Variants in ZPLD1 observed in about 807,000 individuals in gnomAD.
ZPLD1 encodes the protein zona pellucida-like domain-containing protein 1.
Under a neutral mutation model 47.2 loss-of-function variants are expected in ZPLD1, and 34 were observed. The ratio of observed to expected loss-of-function variants is 0.72; its 90% CI spans 0.55 to 0.96. The LOEUF (loss-of-function observed/expected upper bound fraction) is 0.96. Ranked by LOEUF, ZPLD1 falls within the 40% of genes least tolerant of loss-of-function variation. The pLI is 0.00. For synonymous variants in ZPLD1, 176 were observed against 186.2 expected, an observed-to-expected ratio of 0.95 and a Z score of 0.45; for missense variants, 512 against 505.8, an observed-to-expected ratio of 1.01 and a Z score of -0.12.
intron 3 of ZPLD1, among the ~76,000 whole-genome samples, chr3:102,451,282 A>G (rs1375509376): frequency 6.6e-6 from 1 of 152,242 alleles, no homozygotes; most frequent in Non-Finnish European, 1.5e-5. Context: ...AATTAATTCT[A>G]TGCTAAAAAA....
rs1160818129 is a variant in ZPLD1 at position 102,478,253 on chromosome 3, C to T, written c.*635C>T. On this transcript the variant is annotated 3_prime_UTR_variant, in exon 12 of 12. Coordinates refer to ENST00000466937, the MANE Select transcript of ZPLD1 (RefSeq NM_001329788.2). ...AGATAGTGAAAATAGTTGTTAGCTT[C>T]CAAGGCTACTGCTAAGTGGCCCTAG... 6.6e-6 allele frequency: 1 copy of T among 152,166 alleles called. No homozygotes were observed. Among genetic ancestry groups the T allele is most frequent in the Non-Finnish European group, 1.5e-5 (1 of 68,036 alleles). 9.4% of individuals were successfully genotyped at this position (152,166 alleles called of 1,614,324 possible). A position where few individuals can be genotyped will look rare whatever the true frequency, so the allele number is the denominator to read the frequency against.
intron 3 of ZPLD1, among the ~76,000 whole-genome samples, chr3:102,446,972 T>C (rs1159197166): frequency 6.6e-6 from 1 of 152,152 alleles, no homozygotes; most frequent in East Asian, 1.9e-4. Context: ...TGAAGTGGCA[T>C]GTAGTTTAGA....
At position 102,387,448 on chromosome 3, in the gene ZPLD1, TA is replaced by T. The variant is rs1324341255; in HGVS notation, c.-213+2138del. 7.9e-5 allele frequency among the ~76,000 whole-genome samples: 12 copies of T among 152,300 alleles called. No homozygotes were observed. In the East Asian group the frequency reaches 2.1e-3, roughly 27 times the overall value. ...ACCTCTTTTGTATTCTGTCATCATT[TA>T]AAAAAATTTATATTAGGTATTTTTT... On this transcript the variant is annotated intron_variant, in intron 6 of 17. Transcript: ENST00000491959.
intron 7 of ZPLD1, among the ~76,000 whole-genome samples, chr3:102,406,804 A>T (rs879826255): frequency 6.6e-6 from 1 of 151,950 alleles, no homozygotes; most frequent in African/African-American, 2.4e-5. Flanking sequence ...TTCAGAGCCT[A>T]TCTTTCTCTT....
At chr3:102,403,683 A>C (rs1159496848) in intron 7 of ZPLD1, among the ~76,000 whole-genome samples, 1 of 151,944 alleles carries the variant, frequency 6.6e-6, no homozygotes, top group Non-Finnish European at 1.5e-5. Context: ...ATAAACTTCT[A>C]GTTTATCCTG....
At chr3:102,417,523 G>A (rs922612035) in intron 7 of ZPLD1, among the ~76,000 whole-genome samples, 24 of 151,924 alleles carry the variant, frequency 1.6e-4, no homozygotes, top group Admixed American at 3.3e-4. Context: ...CAAAAGCCGA[G>A]GTTATGAAGC....
intron 8 of ZPLD1, among the ~76,000 whole-genome samples, chr3:102,429,271 A>G (rs906395470): frequency 2.6e-5 from 4 of 152,146 alleles, no homozygotes; most frequent in African/African-American, 9.7e-5. Flanking sequence ...GCAGCTTTTA[A>G]TATTTGATTA....
chr3:102,454,907 TAGAC>T (rs1366086358), intron 4 of ZPLD1, among the ~76,000 whole-genome samples: 14 of 152,248 alleles, frequency 9.2e-5, no homozygotes, highest in African/African-American at 3.4e-4. Flanking sequence ...TTTATTTTCA[TAGAC>T]AGAATTGGTT....
At chr3:102,388,790 A>G (rs562592870) in intron 6 of ZPLD1, among the ~76,000 whole-genome samples, 33 of 152,348 alleles carry the variant, frequency 2.2e-4, no homozygotes, top group African/African-American at 7.7e-4. Context: ...AAAATATCAC[A>G]GTTAAAAAAT....
intron 6 of ZPLD1, among the ~76,000 whole-genome samples, chr3:102,386,734 C>T (rs182014282): frequency 2.0e-5 from 3 of 152,084 alleles, no homozygotes; most frequent in Admixed American, 1.3e-4. Flanking sequence ...AATATTAGTA[C>T]ATTTATTATT....
intron 7 of ZPLD1, among the ~76,000 whole-genome samples, chr3:102,417,284 A>G (rs1706820514): frequency 6.6e-6 from 1 of 152,060 alleles, no homozygotes; most frequent in Non-Finnish European, 1.5e-5. Flanking sequence ...GTTATCCCTA[A>G]GCACAGTAGT....
In ZPLD1 at chr3:102,464,036, C is replaced by G. The variant is rs1707551794; in HGVS notation, c.681-135C>G. 13 of 660,650 alleles carry G rather than the reference C, an allele frequency of 2.0e-5. No homozygotes were observed. The South Asian group carries it at 2.3e-4, about 12-fold the overall frequency. The allele number at this position is 660,650 out of a possible 1,614,324, so 40.9% of individuals were successfully genotyped here. ...CTGCACTCCAGTCTGGGCAACGGAACAAGACTCCGTCTCAAAAAAAGAAAA... is the reference window on the plus strand; with the variant it reads ...CTGCACTCCAGTCTGGGCAACGGAAGAAGACTCCGTCTCAAAAAAAGAAAA... On this transcript the variant is annotated intron_variant, in intron 7 of 11. Coordinates refer to ENST00000466937, the MANE Select transcript of ZPLD1 (RefSeq NM_001329788.2).
chr3:102,404,890 T>C (rs764021588), intron 7 of ZPLD1, among the ~76,000 whole-genome samples: 8 of 151,984 alleles, frequency 5.3e-5, no homozygotes, highest in Non-Finnish European at 1.0e-4. Flanking sequence ...TTACGTATTA[T>C]ATAACAGAAA....
intron 7 of ZPLD1, among the ~76,000 whole-genome samples, chr3:102,408,762 A>T (rs1706719208): frequency 6.6e-6 from 1 of 151,812 alleles, no homozygotes; most frequent in Non-Finnish European, 1.5e-5. Flanking sequence ...ACTCTTATAC[A>T]CTAAATCCCC....
At chr3:102,455,829 C>G (rs1002710013) in intron 4 of ZPLD1, among the ~76,000 whole-genome samples, 2 of 152,126 alleles carry the variant, frequency 1.3e-5, no homozygotes, top group Non-Finnish European at 2.9e-5. Context: ...GAGTTGGAGC[C>G]TGGAGATATG....
At chr3:102,423,512 A>G (rs1369568588) in intron 8 of ZPLD1, among the ~76,000 whole-genome samples, 1 of 152,134 alleles carries the variant, frequency 6.6e-6, no homozygotes, top group African/African-American at 2.4e-5. Flanking sequence ...AACACAGAAT[A>G]TTAATCTTAC....
intron 8 of ZPLD1, among the ~76,000 whole-genome samples, chr3:102,426,113 C>T (rs1243181316): frequency 7.2e-6 from 1 of 139,556 alleles, no homozygotes; most frequent in Non-Finnish European, 1.5e-5. Flanking sequence ...ATATTTCCTA[C>T]ACACACACAC....
At chr3:102,429,210 T>C (rs1241601865) in intron 8 of ZPLD1, among the ~76,000 whole-genome samples, 5 of 152,200 alleles carry the variant, frequency 3.3e-5, no homozygotes, top group Non-Finnish European at 7.4e-5. Flanking sequence ...TCTAAGTGTT[T>C]AACATCCCTT....
intron 7 of ZPLD1, among the ~76,000 whole-genome samples, chr3:102,404,529 C>T (rs568209731): frequency 4.1e-4 from 62 of 152,024 alleles, no homozygotes; most frequent in South Asian, 1.2e-3. Flanking sequence ...ATGAATGTTT[C>T]GGGTGAGAGT....
Sources: allele counts gnomAD v4.1 joint callset (sites outside exome capture counted in the v4.1 genomes callset), GRCh38; gene constraint gnomAD v4.1.1; transcripts MANE v1.5; gene names NCBI Gene and HGNC (gene_info 2026-07-23, HGNC 2026-07-21).